CAMK4: variants seen among roughly 807,000 people sequenced by gnomAD.
CAMK4 encodes the protein calcium/calmodulin-dependent protein kinase type IV.
CAMK4 carries 22 observed loss-of-function variants against 44.9 expected under a neutral mutation model. That is an observed-to-expected ratio of 0.49 (90% CI 0.35 to 0.70). The LOEUF is 0.70. Among genes scored for constraint, CAMK4 ranks in the 30% least tolerant of loss-of-function variants. The pLI is 0.01. For synonymous variants in CAMK4, 218 were observed against 215.4 expected (o/e 1.01, Z -0.11); for missense variants, 498 against 586.8 (o/e 0.85, Z 1.56).
intron 5 of CAMK4, among the ~76,000 whole-genome samples, chr5:111,424,434 C>CTTTTTTTTT (rs34618322): frequency 1.5e-4 from 10 of 64,900 alleles, no homozygotes; most frequent in African/African-American, 1.9e-4. Flanking sequence ...ATCTTCTATT[C>CTTTTTTTTT]TTTTTTTTTT....
At chr5:111,463,297 G>A (rs1226237340) in intron 7 of CAMK4, among the ~76,000 whole-genome samples, 1 of 152,132 alleles carries the variant, frequency 6.6e-6, no homozygotes, top group Non-Finnish European at 1.5e-5. Context: ...AAAAAAAAGG[G>A]CGCAAAGGGC....
intron 5 of CAMK4, among the ~76,000 whole-genome samples, chr5:111,413,770 G>A (rs1296715764): frequency 6.6e-6 from 1 of 151,898 alleles, no homozygotes; most frequent in Non-Finnish European, 1.5e-5. Flanking sequence ...GAAAATATAG[G>A]TTCAAATATT....
In CAMK4 at chr5:111,493,139, T is replaced by A. The variant is rs1369751541; in HGVS notation, c.*8673T>A. ...CATCTCGTGCAAAATTGAATTAGAC[T>A]TCCTTACTCCTTCCTTACTCTGGGT... On this transcript the variant is annotated 3_prime_UTR_variant, in exon 11 of 11. Coordinates refer to ENST00000282356, the MANE Select transcript of CAMK4 (RefSeq NM_001744.6). This position sits in a 1 kb window ranked among gnomAD's most constrained non-coding sequence, Gnocchi z 4.1. 6.6e-6 allele frequency: 1 copy of A among 152,134 alleles called. No individual in the cohort carries two copies. Among genetic ancestry groups the A allele is most frequent in the Non-Finnish European group, 1.5e-5 (1 of 68,026 alleles). 9.4% of individuals were successfully genotyped at this position (152,134 alleles called of 1,614,324 possible).
intron 5 of CAMK4, among the ~76,000 whole-genome samples, chr5:111,445,236 A>C (rs2017978): frequency 0.83 from 125,880 of 152,110 alleles, 52,677 homozygotes; most frequent in African/African-American, 0.92. Flanking sequence ...AATTATAATA[A>C]AAGATGCAAG....
chr5:111,375,014 C>A, intron 3 of CAMK4, 102 bp downstream of exon 3: 1 of 753,126 alleles, frequency 1.3e-6, no homozygotes, highest in Admixed American at 2.0e-5. Context: ...GATTCTCCCA[C>A]CACTGATAGC....
chr5:111,346,262 A>T (rs1749859257), intron 2 of CAMK4, among the ~76,000 whole-genome samples: 1 of 151,934 alleles, frequency 6.6e-6, no homozygotes, highest in Admixed American at 6.6e-5. Flanking sequence ...GAGGAAAAAA[A>T]ACAAAAGGGT....
At chr5:111,272,723 C>T (rs1750567547) in intron 1 of CAMK4, among the ~76,000 whole-genome samples, 1 of 152,120 alleles carries the variant, frequency 6.6e-6, no homozygotes, top group African/African-American at 2.4e-5. Context: ...AAAAATTCCT[C>T]TGAGAATAGA....
chr5:111,454,217 T>TTATA (rs1754337206), intron 7 of CAMK4, among the ~76,000 whole-genome samples: 2 of 152,204 alleles, frequency 1.3e-5, no homozygotes, highest in African/African-American at 4.8e-5. Flanking sequence ...GTTAGGATGA[T>TTATA]TATATCCAAG....
intron 5 of CAMK4, among the ~76,000 whole-genome samples, chr5:111,396,631 C>T (rs201905775): frequency 6.2e-3 from 292 of 46,908 alleles, no homozygotes; most frequent in Admixed American, 8.5e-3. Flanking sequence ...AACTCATATT[C>T]TTTTTTTTTT....
chr5:111,276,476 C>T (rs1477161245), intron 1 of CAMK4, among the ~76,000 whole-genome samples: 2 of 152,186 alleles, frequency 1.3e-5, no homozygotes, highest in Non-Finnish European at 1.5e-5. Flanking sequence ...TCTGTAGTCC[C>T]AGCTACTGGG....
intron 8 of CAMK4, among the ~76,000 whole-genome samples, chr5:111,475,174 CAAAA>C (rs937430528): frequency 2.0e-5 from 3 of 151,826 alleles, no homozygotes; most frequent in Non-Finnish European, 4.4e-5. Context: ...AAAAACAAAA[CAAAA>C]CAAAACAAAA....
At chr5:111,373,380 C>G (rs2112819868) in intron 2 of CAMK4, among the ~76,000 whole-genome samples, 1 of 151,800 alleles carries the variant, frequency 6.6e-6, no homozygotes, top group East Asian at 1.9e-4. Context: ...AAATGAGGTA[C>G]TCTAGGGTCT....
intron 5 of CAMK4, among the ~76,000 whole-genome samples, chr5:111,443,435 G>C (rs1222777549): frequency 6.7e-6 from 1 of 149,200 alleles, no homozygotes; most frequent in Non-Finnish European, 1.5e-5. Context: ...ATCTCTGCAT[G>C]TCTTTTTAAA....
rs1257260585 is a variant in CAMK4, at chr5:111,224,472, C to T, written c.-12C>T. The T allele has an allele frequency of 3.8e-6, 6 of 1,587,548 alleles. No homozygotes were observed. The highest frequency in any genetic ancestry group is 5.1e-6 in the Non-Finnish European group (6 of 1,170,230). On this transcript the variant is annotated 5_prime_UTR_variant, in exon 1 of 11. Coordinates refer to ENST00000282356, the MANE Select transcript of CAMK4 (RefSeq NM_001744.6). The surrounding 1 kb of genome is among the most constrained non-coding windows in gnomAD (Gnocchi z 5.7). ...CGGCGGCGGCGGCGGCTTCCGGAGT[C>T]CCGCTGCGAAGATGCTCAAAGTCAC...
chr5:111,245,296 A>G (rs138815026), intron 1 of CAMK4, among the ~76,000 whole-genome samples: 2,179 of 152,306 alleles, frequency 0.014, 16 homozygotes, highest in Non-Finnish European at 0.021. Flanking sequence ...TTCACTGACT[A>G]TGGTGATAGG....
At position 111,493,592 on chromosome 5, in the gene CAMK4, A is replaced by T. The variant is rs1755940680; in HGVS notation, c.*9126A>T. On this transcript the variant is annotated 3_prime_UTR_variant, in exon 11 of 11. Coordinates refer to ENST00000282356, the MANE Select transcript of CAMK4 (RefSeq NM_001744.6). The surrounding 1 kb of genome is among the most constrained non-coding windows in gnomAD (Gnocchi z 4.1). The stretch of plus-strand genomic sequence containing the variant: ...TTTAAAAGACAACCTGTAGGAAGCT[A>T]AGTCTCAGGCAACAAAATTTAAAAC... 6.6e-6 allele frequency: 1 copy of T among 152,224 alleles called. No homozygotes were observed. The highest frequency in any genetic ancestry group is 2.1e-4 in the South Asian group (1 of 4,836). The allele number at this position is 152,224 out of a possible 1,614,324, so 9.4% of individuals were successfully genotyped here.
At chr5:111,422,518 T>C (rs933669804) in intron 5 of CAMK4, among the ~76,000 whole-genome samples, 1 of 152,234 alleles carries the variant, frequency 6.6e-6, no homozygotes, top group African/African-American at 2.4e-5. Flanking sequence ...TTTGGAGTTC[T>C]GAGTCTTTTA....
At chr5:111,384,053 AT>A (rs1751511392) in intron 4 of CAMK4, among the ~76,000 whole-genome samples, 1 of 152,124 alleles carries the variant, frequency 6.6e-6, no homozygotes, top group African/African-American at 2.4e-5. Flanking sequence ...ATAGCCTCTA[AT>A]TTTCCAGTAT....
chr5:111,455,930 TA>T (rs1331428028), intron 7 of CAMK4, among the ~76,000 whole-genome samples: 14 of 152,318 alleles, frequency 9.2e-5, no homozygotes, highest in African/African-American at 3.4e-4. Context: ...TTATAAAGAA[TA>T]AATAAGATAA....
Sources: gnomAD v4.1 joint callset for allele counts (sites outside exome capture counted in the v4.1 genomes callset) on GRCh38, gnomAD v4.1.1 for gene constraint, Gnocchi (gnomAD v3.1) non-coding constraint, MANE v1.5 for transcripts, NCBI Gene and HGNC (gene_info 2026-07-23, HGNC 2026-07-21) for gene names.